The following SLC25A13 variants were observed in gnomAD, a reference collection of about 807,000 sequenced individuals.
The protein encoded by SLC25A13 is electrogenic aspartate/glutamate antiporter SLC25A13, mitochondrial.
A neutral mutation model predicts 85.5 loss-of-function variants in SLC25A13; 70 were observed. The ratio of observed to expected loss-of-function variants is 0.82; its 90% CI spans 0.68 to 1.00. SLC25A13 has a LOEUF of 1.00. Ranked by LOEUF, SLC25A13 falls within the 50% of genes least tolerant of loss-of-function variation. The pLI is 0.00. For missense variants in SLC25A13, 765 were observed against 819.8 expected (o/e 0.93, Z 0.82); for synonymous variants, 259 against 288.7 (o/e 0.90, Z 1.04).
At chr7:96,145,967 C>T (rs1200602757) in intron 14 of SLC25A13, among the ~76,000 whole-genome samples, 1 of 152,018 alleles carries the variant, frequency 6.6e-6, no homozygotes, top group Non-Finnish European at 1.5e-5. Context: ...CTTGTGTATA[C>T]ATTATGTTTG....
At chr7:96,242,376 C>T (rs746436492) in intron 3 of SLC25A13, among the ~76,000 whole-genome samples, 41 of 152,124 alleles carry the variant, frequency 2.7e-4, no homozygotes, top group Non-Finnish European at 4.6e-4. Flanking sequence ...TTCTCTTTCC[C>T]GCCCATATTC....
chr7:96,248,030 G>T (rs1201895026), intron 3 of SLC25A13, among the ~76,000 whole-genome samples: 5 of 150,616 alleles, frequency 3.3e-5, no homozygotes, highest in Non-Finnish European at 5.9e-5. Flanking sequence ...CCCCAAACAA[G>T]CATCCACATC....
At chr7:96,202,749 G>A (rs13307036) in intron 5 of SLC25A13, among the ~76,000 whole-genome samples, 81,752 of 151,870 alleles carry the variant, frequency 0.54, 23,196 homozygotes, top group Non-Finnish European at 0.63. Context: ...ACCAACACAC[G>A]TGAACAGCTC....
chr7:96,216,605 C>T (rs1048262064), intron 4 of SLC25A13, among the ~76,000 whole-genome samples: 2 of 152,072 alleles, frequency 1.3e-5, no homozygotes, highest in Non-Finnish European at 2.9e-5. Context: ...GCAGGAACGT[C>T]GACGGAGCTG....
intron 1 of SLC25A13, among the ~76,000 whole-genome samples, chr7:96,308,187 G>C (rs1332513187): frequency 6.6e-6 from 1 of 150,658 alleles, no homozygotes; most frequent in Admixed American, 6.6e-5. Context: ...TGACTCCACT[G>C]TTAACCAGCA....
At chr7:96,310,639 C>A (rs1453597749) in intron 1 of SLC25A13, among the ~76,000 whole-genome samples, 1 of 152,164 alleles carries the variant, frequency 6.6e-6, no homozygotes, top group East Asian at 1.9e-4. Context: ...ATGATCCATG[C>A]CTGAATCAAT....
chr7:96,262,308 CCAAA>C (rs1167865605), intron 3 of SLC25A13, among the ~76,000 whole-genome samples: 1 of 152,142 alleles, frequency 6.6e-6, no homozygotes, highest in African/African-American at 2.4e-5. Flanking sequence ...TACACTAACA[CCAAA>C]CAAAGAAAGA....
At chr7:96,240,459 G>A (rs944988967) in intron 3 of SLC25A13, among the ~76,000 whole-genome samples, 4 of 152,180 alleles carry the variant, frequency 2.6e-5, no homozygotes, top group Non-Finnish European at 5.9e-5. Flanking sequence ...TTCTAGGGAC[G>A]CAATCTCTGC....
chr7:96,194,738 G>A (rs1190558763), intron 5 of SLC25A13, among the ~76,000 whole-genome samples: 4 of 152,082 alleles, frequency 2.6e-5, no homozygotes, highest in South Asian at 2.1e-4. Context: ...TTGCAATAAC[G>A]GAAGCCAAAT....
chr7:96,146,649 C>A lies in SLC25A13; in HGVS notation c.1359G>T (p.Lys453Asn), dbSNP rs764716490. The A allele has an allele frequency of 2.5e-6, 4 of 1,613,916 alleles. No individual in the cohort carries two copies. The highest frequency in any genetic ancestry group is 1.7e-5 in the Admixed American group (1 of 60,000). The change falls in exon 14 of 18, where the codon AAG becomes AAT. Residue 453 changes from lysine (K) to asparagine (N), a missense_variant. Transcript: ENST00000265631. ...TTTCTCCTGCCACTTGCAAACGGAT[C>A]TTGACGATTTCTAAAGGATTTGTGA... ...VIFTNPLEIV[K>N]IRLQVAGEIT...
rs1006903664 is a variant in SLC25A13 at position 96,135,464 on chromosome 7, A to T, written c.1453-3583T>A. Among the ~76,000 whole-genome samples the T allele has an allele frequency of 2.0e-5, 3 of 152,244 alleles. No individual in the cohort carries two copies. The East Asian group carries it at 5.8e-4, about 29-fold the overall frequency. On this transcript the variant is annotated intron_variant, in intron 14 of 17. Coordinates refer to ENST00000265631, the MANE Select transcript of SLC25A13 (RefSeq NM_014251.3). ...GCCAATTTGTAAGACTGCCTTAGGC[A>T]ATACCTGACCTGTTGCTCTTGCACA...
chr7:96,177,519 G>A (rs1334629290), intron 11 of SLC25A13, among the ~76,000 whole-genome samples: 2 of 152,184 alleles, frequency 1.3e-5, no homozygotes, highest in African/African-American at 4.8e-5. Flanking sequence ...TGTTAGCTGT[G>A]TAATTGTGGA....
chr7:96,215,609 A>G (rs1006229328), intron 4 of SLC25A13, among the ~76,000 whole-genome samples: 2 of 152,180 alleles, frequency 1.3e-5, no homozygotes, highest in Admixed American at 6.5e-5. Context: ...TTGGGCTCCT[A>G]TCTCACCCTG....
chr7:96,120,533 CA>C lies in SLC25A13; in HGVS notation c.*657del. The stretch of plus-strand genomic sequence containing the variant: ...TACATCTCAGTTTTTTCTGTCTGTA[CA>C]GTAAAATGCCAAAAGTACTTCCCTA... On this transcript the variant is annotated 3_prime_UTR_variant, in exon 18 of 18. Transcript: ENST00000265631. 4.4e-6 allele frequency: 2 copies of C among 454,488 alleles called. No individual in the cohort carries two copies. Among genetic ancestry groups the C allele is most frequent in the South Asian group, 1.6e-5 (1 of 64,472 alleles). 28.2% of individuals were successfully genotyped at this position (454,488 alleles called of 1,614,324 possible).
chr7:96,245,870 A>T (rs1354575484), intron 3 of SLC25A13, among the ~76,000 whole-genome samples: 1 of 152,248 alleles, frequency 6.6e-6, no homozygotes. Context: ...AAGCAGATTT[A>T]AAAACCTAGG....
At chr7:96,197,348 A>AT (rs1795101509) in intron 5 of SLC25A13, among the ~76,000 whole-genome samples, 2 of 152,198 alleles carry the variant, frequency 1.3e-5, no homozygotes, top group Admixed American at 6.5e-5. Flanking sequence ...GAGCATCAGG[A>AT]TTGTTTTACC....
chr7:96,189,381 G>A lies in SLC25A13; in HGVS notation c.849-3C>T. ...CAATGTCTGCTAAGGTCATACGTCT[G>A]TAGGGGAAAAACAAACACAAGCAAC... On this transcript the variant is annotated splice_region_variant and splice_polypyrimidine_tract_variant and intron_variant, in intron 8 of 17. Coordinates refer to ENST00000265631, the MANE Select transcript of SLC25A13 (RefSeq NM_014251.3). The A allele has an allele frequency of 1.2e-6, 2 of 1,613,902 alleles. No homozygotes were observed. Among genetic ancestry groups the A allele is most frequent in the South Asian group, 1.1e-5 (1 of 91,082 alleles).
intron 3 of SLC25A13, among the ~76,000 whole-genome samples, chr7:96,254,439 CA>C (rs1797548968): frequency 6.6e-6 from 1 of 152,204 alleles, no homozygotes; most frequent in African/African-American, 2.4e-5. Context: ...AGCTTGCAGA[CA>C]GCTGATACTG....
At chr7:96,141,900 T>G (rs1228001521) in intron 14 of SLC25A13, among the ~76,000 whole-genome samples, 1 of 152,218 alleles carries the variant, frequency 6.6e-6, no homozygotes, top group East Asian at 1.9e-4. Flanking sequence ...TTATCTTTTC[T>G]AAGCAATCAC....
Sources: gnomAD v4.1 joint callset for allele counts (sites outside exome capture counted in the v4.1 genomes callset) on GRCh38, gnomAD v4.1.1 for gene constraint, MANE v1.5 for transcripts, NCBI Gene and HGNC (gene_info 2026-07-23, HGNC 2026-07-21) for gene names.